Variants in JPH1 observed in about 807,000 individuals in gnomAD.
The protein encoded by JPH1 is junctophilin-1.
Under a neutral mutation model 53.6 loss-of-function variants are expected in JPH1, and 12 were observed. The ratio of observed to expected loss-of-function variants is 0.22; its 90% CI spans 0.14 to 0.36. JPH1 has a LOEUF of 0.36. Ranked by LOEUF, JPH1 falls within the 10% of genes least tolerant of loss-of-function variation. The probability of loss-of-function intolerance (pLI) is 1.00; values close to 1 mark genes in which losing one functional copy is unlikely to be tolerated. For synonymous variants in JPH1, 375 were observed against 363.8 expected, an observed-to-expected ratio of 1.03 and a Z score of -0.35; for missense variants, 808 against 905.5, an observed-to-expected ratio of 0.89 and a Z score of 1.38.
intron 2 of JPH1, among the ~76,000 whole-genome samples, chr8:74,268,987 T>A (rs78636666): frequency 0.048 from 7,329 of 152,292 alleles, 438 homozygotes; most frequent in African/African-American, 0.13. Flanking sequence ...TTTTAAAAAT[T>A]AAGCAAACAC....
intron 3 of JPH1, among the ~76,000 whole-genome samples, chr8:74,253,910 CA>C: frequency 6.6e-6 from 1 of 152,000 alleles, no homozygotes; most frequent in East Asian, 1.9e-4. Context: ...AATAGCTTAC[CA>C]ACCAAAAAAA....
chr8:74,310,326 C>T (rs1807956201), intron 2 of JPH1, among the ~76,000 whole-genome samples: 1 of 151,654 alleles, frequency 6.6e-6, no homozygotes, highest in Non-Finnish European at 1.5e-5. Context: ...TTTCTCAATC[C>T]CAGATGGTGA....
chr8:74,287,349 A>C (rs966824398), intron 2 of JPH1, among the ~76,000 whole-genome samples: 1 of 152,016 alleles, frequency 6.6e-6, no homozygotes, highest in Non-Finnish European at 1.5e-5. Flanking sequence ...AATCGCGTGA[A>C]CCTGGGAGGC....
Position 74,236,662 on chromosome 8 carries a change from A to AC in JPH1, c.*388_*389insG, listed in dbSNP as rs1807008611. ...AGGCAGCTGTTGACTTCCATCAAAA[A>AC]AAAAAAAAAAATGCAGCTCCATACA... On this transcript the variant is annotated 3_prime_UTR_variant, in exon 6 of 6. Transcript: ENST00000342232. The AC allele has an allele frequency of 6.6e-6, 1 of 152,428 alleles. No individual in the cohort carries two copies. Among genetic ancestry groups the AC allele is most frequent in the Non-Finnish European group, 1.5e-5 (1 of 67,994 alleles). The allele number at this position is 152,428 out of a possible 1,614,324, so 9.4% of individuals were successfully genotyped here.
chr8:74,300,274 T>C (rs1807638282), intron 2 of JPH1, among the ~76,000 whole-genome samples: 1 of 152,262 alleles, frequency 6.6e-6, no homozygotes, highest in African/African-American at 2.4e-5. Flanking sequence ...ATATAAACTA[T>C]GAAACCTTCA....
intron 4 of JPH1, among the ~76,000 whole-genome samples, chr8:74,242,876 T>C (rs1160716202): frequency 6.6e-6 from 1 of 152,164 alleles, no homozygotes; most frequent in African/African-American, 2.4e-5. Context: ...AAAACAGATG[T>C]TTTTTCTAAA....
At chr8:74,281,953 C>T (rs377263522) in intron 2 of JPH1, among the ~76,000 whole-genome samples, 2 of 152,310 alleles carry the variant, frequency 1.3e-5, no homozygotes, top group African/African-American at 4.8e-5. Flanking sequence ...CTCGGAAACA[C>T]GCTTAAGAAG....
At chr8:74,302,491 T>C (rs1196485106) in intron 2 of JPH1, among the ~76,000 whole-genome samples, 1 of 152,252 alleles carries the variant, frequency 6.6e-6, no homozygotes, top group Non-Finnish European at 1.5e-5. Flanking sequence ...CTATGCTCTA[T>C]TGATAGCATT....
intron 3 of JPH1, among the ~76,000 whole-genome samples, chr8:74,253,075 T>G (rs1435980390): frequency 1.3e-5 from 2 of 152,022 alleles, no homozygotes; most frequent in East Asian, 3.8e-4. Context: ...CCACCCCAAA[T>G]CAACAGAATA....
chr8:74,315,176 G>C lies in JPH1; in HGVS notation c.824C>G (p.Ala275Gly), dbSNP rs751150382. 4 of 1,614,196 alleles carry C rather than the reference G, an allele frequency of 2.5e-6. No homozygotes were observed. In the Admixed American group the frequency reaches 6.7e-5, roughly 27 times the overall value. ...GCCCATGTAGGTTTCCGTGGTGGTGGCGTCCACGTGGTCTTCCACCGGGCA... is the reference window on the plus strand; with the variant it reads ...GCCCATGTAGGTTTCCGTGGTGGTGCCGTCCACGTGGTCTTCCACCGGGCA... The part of the protein sequence containing the change: ...DFCPVEDHVD[A>G]TTTETYMGEW... Residue 275 changes from alanine to glycine, a missense_variant, in exon 2 of 6, where the codon GCC becomes GGC. Physicochemically the swap from Ala to Gly is moderately conservative, Grantham distance 60. Around this residue, in one of 2 missense-constraint regions of JPH1, gnomAD observed 756 missense variants for 811.9 expected, o/e 0.93. Transcript: ENST00000342232. This position sits in a 1 kb window ranked among gnomAD's most constrained non-coding sequence, Gnocchi z 6.3.
intron 2 of JPH1, among the ~76,000 whole-genome samples, chr8:74,286,961 T>C (rs1446914597): frequency 6.6e-6 from 1 of 152,226 alleles, no homozygotes; most frequent in African/African-American, 2.4e-5. Context: ...AGGCAGGCTT[T>C]TGAAGACTCA....
chr8:74,304,421 G>A (rs901968663), intron 2 of JPH1, among the ~76,000 whole-genome samples: 35 of 152,296 alleles, frequency 2.3e-4, no homozygotes, highest in African/African-American at 7.9e-4. Flanking sequence ...AGCAGGAAGC[G>A]GGATGGGGAA....
At chr8:74,263,460 A>T (rs951890220) in intron 2 of JPH1, among the ~76,000 whole-genome samples, 3 of 152,228 alleles carry the variant, frequency 2.0e-5, no homozygotes, top group African/African-American at 7.2e-5. Flanking sequence ...AGAAAAATTT[A>T]AAAATAAAAG....
intron 2 of JPH1, among the ~76,000 whole-genome samples, chr8:74,290,334 A>AC (rs1300716467): frequency 6.6e-6 from 1 of 152,106 alleles, no homozygotes; most frequent in Non-Finnish European, 1.5e-5. Context: ...ATTCCTATAC[A>AC]CAATAACAGA....
At chr8:74,311,287 G>A (rs1807986729) in intron 2 of JPH1, among the ~76,000 whole-genome samples, 1 of 152,196 alleles carries the variant, frequency 6.6e-6, no homozygotes, top group Non-Finnish European at 1.5e-5. Context: ...TCTGCACTGG[G>A]CTAGGTGGGA....
intron 3 of JPH1, among the ~76,000 whole-genome samples, chr8:74,254,911 G>A (rs1235615297): frequency 2.6e-5 from 4 of 152,190 alleles, no homozygotes; most frequent in Non-Finnish European, 1.5e-5. Flanking sequence ...AAACAAATGG[G>A]AGAACATTCC....
At chr8:74,296,362 A>G (rs540597169) in intron 2 of JPH1, among the ~76,000 whole-genome samples, 1 of 152,350 alleles carries the variant, frequency 6.6e-6, no homozygotes, top group South Asian at 2.1e-4. Flanking sequence ...TACAAACCCA[A>G]AGTTAGTTCT....
intron 2 of JPH1, among the ~76,000 whole-genome samples, chr8:74,308,601 T>C (rs1184867316): frequency 6.6e-6 from 1 of 152,230 alleles, no homozygotes; most frequent in Non-Finnish European, 1.5e-5. Flanking sequence ...TGTACAAAAG[T>C]GAGCAAAGCT....
rs540749398 is a variant in JPH1, at chr8:74,235,032, G to A, written c.*2019C>T. 6.6e-6 allele frequency: 1 copy of A among 152,606 alleles called. No homozygotes were observed. The highest frequency in any genetic ancestry group is 2.4e-5 in the African/African-American group (1 of 41,530). The allele number at this position is 152,606 out of a possible 1,614,324, so 9.5% of individuals were successfully genotyped here. A position where few individuals can be genotyped will look rare whatever the true frequency, so the allele number is the denominator to read the frequency against. On this transcript the variant is annotated 3_prime_UTR_variant, in exon 6 of 6. Transcript: ENST00000342232. ...ATATATTTATAAATGGGACCAACATGCTCACTTTATAAACATATCCTCTCG... is the reference window on the plus strand; with the variant it reads ...ATATATTTATAAATGGGACCAACATACTCACTTTATAAACATATCCTCTCG...
Sources: allele counts gnomAD v4.1 joint callset (sites outside exome capture counted in the v4.1 genomes callset), GRCh38; gene constraint gnomAD v4.1.1; regional missense constraint gnomAD v4.1.1; non-coding constraint Gnocchi (gnomAD v3.1); transcripts MANE v1.5; gene names NCBI Gene and HGNC (gene_info 2026-07-23, HGNC 2026-07-21).